The following SAMD4A variants were observed in gnomAD, a reference collection of about 807,000 sequenced individuals.
SAMD4A encodes protein Smaug homolog 1.
A neutral mutation model predicts 81.3 loss-of-function variants in SAMD4A; 33 were observed. That is an observed-to-expected ratio of 0.41 (90% CI 0.31 to 0.54). SAMD4A has a LOEUF of 0.54. SAMD4A is among the 20% of genes least tolerant of loss of function. SAMD4A has a pLI of 0.37. For missense variants in SAMD4A, 854 were observed against 951.1 expected (o/e 0.90, Z 1.34); for synonymous variants, 389 against 382.1 (o/e 1.02, Z -0.21).
chr14:54,590,234 A>G (rs1437940612), intron 2 of SAMD4A, among the ~76,000 whole-genome samples: 1 of 152,190 alleles, frequency 6.6e-6, no homozygotes, highest in African/African-American at 2.4e-5. Flanking sequence ...CACGCCTGTA[A>G]CCCCAGCATT....
At chr14:54,636,126 G>A (rs2035029490) in intron 2 of SAMD4A, among the ~76,000 whole-genome samples, 1 of 152,210 alleles carries the variant, frequency 6.6e-6, no homozygotes, top group South Asian at 2.1e-4. Flanking sequence ...CAAGAGTTGT[G>A]ATTTTATATA....
intron 2 of SAMD4A, among the ~76,000 whole-genome samples, chr14:54,658,541 C>T (rs117092112): frequency 6.6e-5 from 10 of 152,242 alleles, no homozygotes; most frequent in Admixed American, 4.6e-4. Context: ...GCATGGGACC[C>T]GTATGTCCAA....
chr14:54,783,073 G>A (rs994642265), intron 11 of SAMD4A, among the ~76,000 whole-genome samples: 1 of 151,584 alleles, frequency 6.6e-6, no homozygotes, highest in African/African-American at 2.4e-5. Flanking sequence ...AACACACCCC[G>A]CTGTGGACAC....
chr14:54,581,543 A>G (rs1197199417), intron 2 of SAMD4A, among the ~76,000 whole-genome samples: 1 of 152,244 alleles, frequency 6.6e-6, no homozygotes, highest in Non-Finnish European at 1.5e-5. Context: ...TTCATTGATT[A>G]GATCATTAAA....
chr14:54,662,337 A>G (rs1390000958), intron 2 of SAMD4A, among the ~76,000 whole-genome samples: 2 of 152,032 alleles, frequency 1.3e-5, no homozygotes, highest in African/African-American at 4.8e-5. Context: ...CTTGTTTCAC[A>G]TTAAAGAGTG....
chr14:54,776,389 G>C (rs775063807), intron 10 of SAMD4A, 25 bp from the exon 11 acceptor site: 6 of 1,584,488 alleles, frequency 3.8e-6, no homozygotes, highest in Non-Finnish European at 5.1e-6. Context: ...GAACTAACAA[G>C]TTCCCCTTTT....
At chr14:54,706,763 T>A (rs962339193) in intron 3 of SAMD4A, among the ~76,000 whole-genome samples, 1 of 149,818 alleles carries the variant, frequency 6.7e-6, no homozygotes, top group Non-Finnish European at 1.5e-5. Flanking sequence ...GGGACGGGGG[T>A]CACAGTGTGC....
At chr14:54,749,073 T>C (rs1316774497) in intron 5 of SAMD4A, 149 bp downstream of exon 5, 1 of 586,566 alleles carries the variant, frequency 1.7e-6, no homozygotes, top group East Asian at 2.8e-5. Context: ...CAGCATTCCA[T>C]GGTGAGCAAA....
At position 54,567,754 on chromosome 14, in the gene SAMD4A, G is replaced by C. The variant is rs2032982085; in HGVS notation, c.-163G>C. 3 of 615,560 alleles carry C rather than the reference G, an allele frequency of 4.9e-6. No homozygotes were observed. The South Asian group carries it at 6.6e-5, about 14-fold the overall frequency. The allele number at this position is 615,560 out of a possible 1,614,324, so 38.1% of individuals were successfully genotyped here. Reference sequence around the variant, plus strand: ...GGAACGTAACTGAAACCAGACAAGAGAGGCAGGAGCCCAGGCAGTACCTGC... The same window carrying C: ...GGAACGTAACTGAAACCAGACAAGACAGGCAGGAGCCCAGGCAGTACCTGC... On this transcript the variant is annotated 5_prime_UTR_variant, in exon 2 of 13. Transcript: ENST00000554335.
At chr14:54,788,000 T>C (rs1422526542) in intron 12 of SAMD4A, among the ~76,000 whole-genome samples, 1 of 152,116 alleles carries the variant, frequency 6.6e-6, no homozygotes, top group Admixed American at 6.5e-5. Context: ...ACACCTCTGA[T>C]GGTCATATCC....
intron 2 of SAMD4A, among the ~76,000 whole-genome samples, chr14:54,575,549 A>G (rs567386250): frequency 1.3e-5 from 2 of 152,304 alleles, no homozygotes; most frequent in South Asian, 4.1e-4. Context: ...CAGACAGGAC[A>G]AGGTGGACAC....
At chr14:54,637,671 G>A (rs1263994140) in intron 2 of SAMD4A, among the ~76,000 whole-genome samples, 1 of 152,160 alleles carries the variant, frequency 6.6e-6, no homozygotes, top group African/African-American at 2.4e-5. Context: ...GAAAAGGAAA[G>A]CATCTTCTTC....
intron 2 of SAMD4A, among the ~76,000 whole-genome samples, chr14:54,677,685 A>G (rs1381909828): frequency 6.6e-6 from 1 of 152,190 alleles, no homozygotes; most frequent in Non-Finnish European, 1.5e-5. Context: ...TGAAATGAAG[A>G]TTTTTGTGGG....
intron 2 of SAMD4A, among the ~76,000 whole-genome samples, chr14:54,604,200 G>C (rs966209049): frequency 2.2e-4 from 34 of 152,192 alleles, no homozygotes; most frequent in Non-Finnish European, 4.7e-4. Flanking sequence ...TTAGCCATTG[G>C]CTCCTTGCTT....
chr14:54,729,348 C>A (rs2037502104), intron 3 of SAMD4A, among the ~76,000 whole-genome samples: 1 of 152,176 alleles, frequency 6.6e-6, no homozygotes, highest in African/African-American at 2.4e-5. Context: ...TGAGAGTTAT[C>A]TTTTAAGAAA....
chr14:54,635,283 G>A (rs1401077847), intron 2 of SAMD4A, among the ~76,000 whole-genome samples: 3 of 151,192 alleles, frequency 2.0e-5, no homozygotes, highest in African/African-American at 7.3e-5. Context: ...AAATTAGCTG[G>A]GCATGGTGGC....
Position 54,789,216 on chromosome 14 carries a change from G to C in SAMD4A, c.*272G>C, listed in dbSNP as rs755619004. The C allele has an allele frequency of 3.4e-5, 18 of 527,364 alleles. No individual in the cohort carries two copies. Among genetic ancestry groups the C allele is most frequent in the Admixed American group, 9.5e-5 (3 of 31,646 alleles). 32.7% of individuals were successfully genotyped at this position (527,364 alleles called of 1,614,324 possible). A position where few individuals can be genotyped will look rare whatever the true frequency, so the allele number is the denominator to read the frequency against. On this transcript the variant is annotated 3_prime_UTR_variant, in exon 13 of 13. Transcript: ENST00000554335. Reference sequence around the variant, plus strand: ...CTCTAGGGAATTATGAGACTGGGAGGGGGGTGGAGGGAATGCAGGTAGCTC... The same window carrying C: ...CTCTAGGGAATTATGAGACTGGGAGCGGGGTGGAGGGAATGCAGGTAGCTC...
chr14:54,619,440 T>C (rs2034564358), intron 2 of SAMD4A, among the ~76,000 whole-genome samples: 1 of 152,218 alleles, frequency 6.6e-6, no homozygotes, highest in South Asian at 2.1e-4. Flanking sequence ...ATGTAACATA[T>C]TCTTAGAGGG....
chr14:54,722,595 G>A (rs904133891), intron 3 of SAMD4A, among the ~76,000 whole-genome samples: 3 of 152,136 alleles, frequency 2.0e-5, no homozygotes, highest in Non-Finnish European at 4.4e-5. Context: ...AAGTCTTAGC[G>A]TCAACATCAA....
Sources: gnomAD v4.1 joint callset for allele counts (sites outside exome capture counted in the v4.1 genomes callset) on GRCh38, gnomAD v4.1.1 for gene constraint, MANE v1.5 for transcripts, NCBI Gene and HGNC (gene_info 2026-07-23, HGNC 2026-07-21) for gene names.